The following RANBP2 variants were observed in gnomAD, a reference collection of about 807,000 sequenced individuals.
RANBP2 encodes E3 SUMO-protein ligase RanBP2.
In RANBP2, 57 loss-of-function variants were observed where a neutral mutation model predicts 303.6. The observed-to-expected ratio is 0.19, with a 90% CI of 0.15 to 0.23. The LOEUF is 0.23. Ranked by LOEUF, RANBP2 falls within the 10% of genes least tolerant of loss-of-function variation. The pLI is 1.00. For synonymous variants in RANBP2, 1,167 were observed against 1,301.5 expected, an observed-to-expected ratio of 0.90 and a Z score of 2.23; for missense variants, 3,138 against 3,780.8, an observed-to-expected ratio of 0.83 and a Z score of 4.46.
At chr2:109,201,725 T>C in the RANBP2 span, among the ~76,000 whole-genome samples, 63 of 152,326 alleles carry the variant, frequency 4.1e-4, no homozygotes, top group African/African-American at 1.4e-3. Flanking sequence ...GAGAGCCACG[T>C]ACAGCCCAGG....
At chr2:109,053,322 G>T in the RANBP2 span, among the ~76,000 whole-genome samples, 14 of 152,368 alleles carry the variant, frequency 9.2e-5, no homozygotes, top group African/African-American at 1.4e-4. Context: ...ATGCAGGATG[G>T]TTCTCCCTTT....
At chr2:108,806,744 A>C in the RANBP2 span, among the ~76,000 whole-genome samples, 2 of 152,214 alleles carry the variant, frequency 1.3e-5, no homozygotes, top group Non-Finnish European at 2.9e-5. Context: ...GAAGAAAAAG[A>C]TATGTTATTT....
the RANBP2 span, among the ~76,000 whole-genome samples, chr2:109,116,049 T>C: frequency 6.6e-6 from 1 of 152,246 alleles, no homozygotes; most frequent in Admixed American, 6.5e-5. Flanking sequence ...TCTTTCTCTC[T>C]GTTTGCCCTT....
chr2:109,192,635 G>T, the RANBP2 span, among the ~76,000 whole-genome samples: 9 of 152,310 alleles, frequency 5.9e-5, no homozygotes, highest in East Asian at 1.7e-3. Context: ...TAAATATACA[G>T]AAGGTAATGC....
the RANBP2 span, among the ~76,000 whole-genome samples, chr2:108,847,150 C>T: frequency 6.6e-6 from 1 of 152,166 alleles, no homozygotes; most frequent in East Asian, 1.9e-4. Context: ...CTTTGATTGT[C>T]TTAGGTCATA....
the RANBP2 span, among the ~76,000 whole-genome samples, chr2:109,348,348 C>T: frequency 6.6e-6 from 1 of 152,292 alleles, no homozygotes; most frequent in African/African-American, 2.4e-5. Context: ...GGGGAAACTG[C>T]TACAGAGACC....
chr2:109,666,630 G>T, the RANBP2 span, among the ~76,000 whole-genome samples: 3 of 152,140 alleles, frequency 2.0e-5, no homozygotes, highest in Non-Finnish European at 2.9e-5. Context: ...GCTCCTATCA[G>T]AAACAGAATA....
chr2:108,799,926 T>C, the RANBP2 span, among the ~76,000 whole-genome samples: 1 of 152,162 alleles, frequency 6.6e-6, no homozygotes. Flanking sequence ...ATTTTTGATA[T>C]TTAAAAATTC....
At chr2:109,411,197 C>T in the RANBP2 span, among the ~76,000 whole-genome samples, 1 of 152,150 alleles carries the variant, frequency 6.6e-6, no homozygotes, top group African/African-American at 2.4e-5. Flanking sequence ...AGGGGAGAGG[C>T]GCCATTGGTT....
the RANBP2 span, among the ~76,000 whole-genome samples, chr2:109,299,201 G>A: frequency 6.6e-6 from 1 of 152,204 alleles, no homozygotes; most frequent in Non-Finnish European, 1.5e-5. Flanking sequence ...AGTTAAAACT[G>A]CGACCCTGCC....
At chr2:109,058,456 G>A in the RANBP2 span, among the ~76,000 whole-genome samples, 9 of 152,186 alleles carry the variant, frequency 5.9e-5, no homozygotes, top group African/African-American at 2.2e-4. Context: ...AAAGGCTCTC[G>A]GCTCTCCTTC....
chr2:108,853,912 TA>T, the RANBP2 span, among the ~76,000 whole-genome samples: 3 of 123,024 alleles, frequency 2.4e-5, no homozygotes, highest in African/African-American at 9.9e-5. Flanking sequence ...ATATATTATA[TA>T]GTATATATAT....
chr2:109,121,727 T>C, the RANBP2 span, among the ~76,000 whole-genome samples: 1 of 152,138 alleles, frequency 6.6e-6, no homozygotes, highest in Non-Finnish European at 1.5e-5. Context: ...CTTCTCCCTG[T>C]AGGCTTCATC....
the RANBP2 span, among the ~76,000 whole-genome samples, chr2:109,536,895 T>C: frequency 6.6e-6 from 1 of 152,250 alleles, no homozygotes; most frequent in African/African-American, 2.4e-5. Flanking sequence ...CTTTGCCTGC[T>C]GTCATCCATG....
chr2:109,692,888 G>A, the RANBP2 span, among the ~76,000 whole-genome samples: 2 of 143,322 alleles, frequency 1.4e-5, no homozygotes, highest in Admixed American at 7.2e-5. Flanking sequence ...GTGCGATCTC[G>A]GCTCTCTGCA....
chr2:109,342,381 G>A, the RANBP2 span, among the ~76,000 whole-genome samples: 4 of 152,332 alleles, frequency 2.6e-5, no homozygotes, highest in East Asian at 1.9e-4. Flanking sequence ...TATATGGAGC[G>A]TATGATCTGT....
At chr2:109,669,632 A>G in the RANBP2 span, among the ~76,000 whole-genome samples, 1 of 152,196 alleles carries the variant, frequency 6.6e-6, no homozygotes, top group South Asian at 2.1e-4. Context: ...CTCTCAGGCA[A>G]TGTTCCTACA....
the RANBP2 span, among the ~76,000 whole-genome samples, chr2:109,163,526 G>C: frequency 2.6e-4 from 37 of 140,684 alleles, 1 homozygote; most frequent in Admixed American, 2.5e-3. Flanking sequence ...AGCCTCCCAA[G>C]TAGCTGGGAC....
At chr2:108,974,830 G>A in the RANBP2 span, among the ~76,000 whole-genome samples, 2 of 152,204 alleles carry the variant, frequency 1.3e-5, 1 homozygote, top group Non-Finnish European at 2.9e-5. Context: ...GGCAGAGCTG[G>A]GGTCTAGCTC....
Sources: gnomAD v4.1 joint callset for allele counts (sites outside exome capture counted in the v4.1 genomes callset) on GRCh38, gnomAD v4.1.1 for gene constraint, MANE v1.5 for transcripts, NCBI Gene and HGNC (gene_info 2026-07-23, HGNC 2026-07-21) for gene names.